The following KBTBD4 variants were observed in gnomAD, a reference collection of about 807,000 sequenced individuals.
KBTBD4 encodes the protein kelch repeat and BTB domain-containing protein 4.
Under a neutral mutation model 43.9 loss-of-function variants are expected in KBTBD4, and 30 were observed. The ratio of observed to expected loss-of-function variants is 0.68; its 90% CI spans 0.51 to 0.93. The LOEUF (loss-of-function observed/expected upper bound fraction) is 0.93, where lower values mean the gene tolerates loss of function less well. KBTBD4 is among the 40% of genes least tolerant of loss of function. KBTBD4 has a pLI of 0.00. For missense variants in KBTBD4, 575 were observed against 668.8 expected (o/e 0.86, Z 1.55); for synonymous variants, 258 against 256.9 (o/e 1.00, Z -0.04).
rs1425319972 is a variant in KBTBD4 at position 47,572,499 on chromosome 11, C to CT, written c.*430dup. On this transcript the variant is annotated 3_prime_UTR_variant, in exon 4 of 4. Transcript: ENST00000430070. ...CCTAAGTAAAGCCTGAAGGAAAACT[C>CT]TTAACACCTAATTCTTTGTGGAAAA... 5.9e-6 allele frequency: 1 copy of CT among 168,512 alleles called. No homozygotes were observed. The highest frequency in any genetic ancestry group is 1.3e-5 in the Non-Finnish European group (1 of 77,538). 10.4% of individuals were successfully genotyped at this position (168,512 alleles called of 1,614,324 possible). A position where few individuals can be genotyped will look rare whatever the true frequency, so the allele number is the denominator to read the frequency against.
Position 47,577,439 on chromosome 11 carries a change from G to C in KBTBD4, c.609C>G (p.Pro203=). 6.2e-7 allele frequency: 1 copy of C among 1,608,144 alleles called. No individual in the cohort carries two copies. The highest frequency in any genetic ancestry group is 8.5e-7 in the Non-Finnish European group (1 of 1,175,150). ...LQNTEEFLHL[P]HRLLTDIISD... ...AGATGATATCTGTGAGTAAGCGGTG[G>C]GGCAAGTGGAGAAATTCCTCTGTAT... Residue 203 remains proline, a synonymous_variant, in exon 2 of 4, where the codon CCC becomes CCG. Coordinates refer to ENST00000430070, the MANE Select transcript of KBTBD4 (RefSeq NM_018095.6).
intron 1 of KBTBD4, chr11:47,578,566 C>A (rs1209743950): frequency 1.4e-6 from 1 of 701,556 alleles, no homozygotes; most frequent in South Asian, 1.5e-5. Context: ...AGCTGCTTCC[C>A]CCACACTTCC....
In KBTBD4 at chr11:47,578,932, C is replaced by T. The variant is rs762117539; in HGVS notation, c.19+1G>A. The T allele has an allele frequency of 7.7e-6, 12 of 1,551,866 alleles. No homozygotes were observed. Among genetic ancestry groups the T allele is most frequent in the South Asian group, 1.2e-5 (1 of 84,066 alleles). On this transcript the variant is annotated splice_donor_variant, in intron 1 of 3. Coordinates refer to ENST00000430070, the MANE Select transcript of KBTBD4 (RefSeq NM_018095.6). LOFTEE classifies it high-confidence loss of function. ...CCTACCTGCCTGTCTCGCTTTCTCA[C>T]CTGCGTTCCCTCCTTTCATCCCGGA...
At chr11:47,578,646 C>G (rs895940394) in intron 1 of KBTBD4, 5 of 821,990 alleles carry the variant, frequency 6.1e-6, no homozygotes, top group Non-Finnish European at 9.9e-6. Context: ...GGCCGGGGCA[C>G]TGGGAGGCCC....
At chr11:47,577,192 T>C (rs1424796747) in intron 2 of KBTBD4, among the ~76,000 whole-genome samples, 1 of 152,232 alleles carries the variant, frequency 6.6e-6, no homozygotes, top group Non-Finnish European at 1.5e-5. Context: ...TGTTGTGCTT[T>C]AATTTTCCTG....
Position 47,575,572 on chromosome 11 carries a change from C to T in KBTBD4, c.744+21G>A, listed in dbSNP as rs772451353. On this transcript the variant is annotated intron_variant, in intron 3 of 3. Transcript: ENST00000430070. The stretch of plus-strand genomic sequence containing the variant: ...ATGCATGGAGAGTATGCAGTCTCAA[C>T]AATTAAGAGATTTGCCTTACCTTCA... The T allele has an allele frequency of 4.0e-6, 6 of 1,481,550 alleles. No homozygotes were observed. In the African/African-American group the frequency reaches 5.6e-5, roughly 14 times the overall value. The allele number at this position is 1,481,550 out of a possible 1,614,324, so 91.8% of individuals were successfully genotyped here.
Position 47,573,033 on chromosome 11 carries a change from T to A in KBTBD4, c.1502A>T (p.Lys501Met). The A allele has an allele frequency of 4.3e-6, 7 of 1,614,138 alleles. No individual in the cohort carries two copies. Among genetic ancestry groups the A allele is most frequent in the Non-Finnish European group, 5.9e-6 (7 of 1,180,014 alleles). ...AAGCTTGTAGGTGTTGGCATCCCCC[T>A]TTTTATATCGGTCCCGGAAGACATA... ...SIYVFRDRYK[K>M]GDANTYKLDP... The change falls in exon 4 of 4, where the codon AAG becomes ATG. Residue 501 changes from lysine (K) to methionine (M), a missense_variant. Transcript: ENST00000430070. The surrounding 1 kb of genome is among the most constrained non-coding windows in gnomAD (Gnocchi z 4.1).
Position 47,578,042 on chromosome 11 carries a change from C to T in KBTBD4, c.20-14G>A, listed in dbSNP as rs368090346. On this transcript the variant is annotated splice_polypyrimidine_tract_variant and intron_variant, in intron 1 of 3. Transcript: ENST00000430070. Reference sequence around the variant, plus strand: ...TCTGCCAGCTGTCTGCAAAGCAACACCATCTTGAGTAACCTGAGGAATTCA... The same window carrying T: ...TCTGCCAGCTGTCTGCAAAGCAACATCATCTTGAGTAACCTGAGGAATTCA... 1 of 1,613,658 alleles carries T rather than the reference C, an allele frequency of 6.2e-7. No homozygotes were observed.
chr11:47,578,351 G>A (rs1391448204), intron 1 of KBTBD4: 9 of 571,014 alleles, frequency 1.6e-5, no homozygotes, highest in African/African-American at 7.5e-5. Flanking sequence ...CAAAGGGCTG[G>A]GAGAGGCCTG....
Position 47,573,072 on chromosome 11 carries a change from C to G in KBTBD4, c.1463G>C (p.Cys488Ser). ...CCGGAAGACATAGATGCTCCCGTTA[C>G]AGCTGGCAATCTTCCAGAGGGATGG... ...SAPSLWKIASCNGSIYVFRDR... is the reference protein window; with the variant it reads ...SAPSLWKIASSNGSIYVFRDR... Residue 488 changes from cysteine (C) to serine (S), a missense_variant, in exon 4 of 4, where the codon TGT (cysteine) becomes TCT (serine). Coordinates refer to ENST00000430070, the MANE Select transcript of KBTBD4 (RefSeq NM_018095.6). The surrounding 1 kb of genome is among the most constrained non-coding windows in gnomAD (Gnocchi z 4.1). 6.2e-7 allele frequency: 1 copy of G among 1,614,220 alleles called. No individual in the cohort carries two copies. The highest frequency in any genetic ancestry group is 8.5e-7 in the Non-Finnish European group (1 of 1,180,042).
In KBTBD4 at chr11:47,573,432, C is replaced by T. The variant is rs773744022; in HGVS notation, c.1103G>A (p.Arg368His). The change falls in exon 4 of 4, where the codon CGC becomes CAC. Residue 368 changes from arginine to histidine, a missense_variant. Transcript: ENST00000430070. The surrounding 1 kb of genome is among the most constrained non-coding windows in gnomAD (Gnocchi z 4.1). ...CTCTGTCCACACATTATCACCTACG[C>T]GATAATAAATGACTGCGTTGGAGAG... is the stretch of plus-strand genomic sequence containing the variant. The part of the protein sequence containing the change: ...DTLSNAVIYY[R>H]VGDNVWTETT... 3.4e-5 allele frequency: 55 copies of T among 1,614,064 alleles called. No homozygotes were observed. The highest frequency in any genetic ancestry group is 2.2e-5 in the East Asian group (1 of 44,890).
At position 47,575,588 on chromosome 11, in the gene KBTBD4, C is replaced by T. The variant is rs765667374; in HGVS notation, c.744+5G>A. 1.3e-6 allele frequency: 2 copies of T among 1,585,684 alleles called. No individual in the cohort carries two copies. The highest frequency in any genetic ancestry group is 1.1e-5 in the South Asian group (1 of 90,420). ...CAGTCTCAACAATTAAGAGATTTGC[C>T]TTACCTTCAAGCTTGTCCTGAGTGA... is the stretch of plus-strand genomic sequence containing the variant. On this transcript the variant is annotated splice_donor_5th_base_variant and intron_variant, in intron 3 of 3. Transcript: ENST00000430070.
In KBTBD4 at chr11:47,575,611, T is replaced by G; in HGVS notation, c.726A>C (p.Ser242=). Residue 242 remains serine (S), a synonymous_variant, in exon 3 of 4, where the codon TCA becomes TCC. Transcript: ENST00000430070. ...NKEEREAFAE[S]LRTSLKEIGE... is the part of the protein sequence containing the mutation. The stretch of plus-strand genomic sequence containing the variant: ...GCCTTACCTTCAAGCTTGTCCTGAG[T>G]GACTCTGCAAAAGCCTCTCTTTCCT... 1.2e-6 allele frequency: 2 copies of G among 1,611,448 alleles called. No individual in the cohort carries two copies. The highest frequency in any genetic ancestry group is 1.7e-6 in the Non-Finnish European group (2 of 1,177,676).
chr11:47,578,448 G>T, intron 1 of KBTBD4: 1 of 569,312 alleles, frequency 1.8e-6, no homozygotes, highest in Non-Finnish European at 3.1e-6. Flanking sequence ...AAGGACCCCT[G>T]GCCCCGGCCT....
chr11:47,577,946 G>C lies in KBTBD4; in HGVS notation c.102C>G (p.Asn34Lys). 6.2e-7 allele frequency: 1 copy of C among 1,614,164 alleles called. No individual in the cohort carries two copies. Among genetic ancestry groups the C allele is most frequent in the Non-Finnish European group, 8.5e-7 (1 of 1,180,018 alleles). ...GASMDENYFV[N>K]YTFKDRSHSG... ...AATGTGACCGATCTTTGAAAGTGTAGTTCACAAAGTAGTTCTCATCCATGG... is the reference window on the plus strand; with the variant it reads ...AATGTGACCGATCTTTGAAAGTGTACTTCACAAAGTAGTTCTCATCCATGG... The change falls in exon 2 of 4, where the codon AAC becomes AAG. Residue 34 changes from asparagine to lysine, a missense_variant. Asn to Lys is a moderately conservative substitution (Grantham distance 94). Coordinates refer to ENST00000430070, the MANE Select transcript of KBTBD4 (RefSeq NM_018095.6).
intron 2 of KBTBD4, 25 bp downstream of exon 2, chr11:47,577,386 T>A (rs1439986746): frequency 1.3e-6 from 2 of 1,571,094 alleles, no homozygotes; most frequent in African/African-American, 1.4e-5. Context: ...TAACTGGGTA[T>A]GGTGTGTCCC....
chr11:47,578,734 G>A (rs2097265220), intron 1 of KBTBD4, 199 bp downstream of exon 1: 1 of 1,453,846 alleles, frequency 6.9e-7, no homozygotes, highest in Non-Finnish European at 9.2e-7. Flanking sequence ...TTCCCGCTCA[G>A]GCCCGCCCGC....
At chr11:47,578,792 A>T in intron 1 of KBTBD4, 141 bp downstream of exon 1, 1 of 1,534,634 alleles carries the variant, frequency 6.5e-7, no homozygotes, top group Non-Finnish European at 8.8e-7. Context: ...TGTGTAGCGT[A>T]GAACCCAAAA....
chr11:47,573,351 A>G lies in KBTBD4; in HGVS notation c.1184T>C (p.Ile395Thr). The change falls in exon 4 of 4, where the codon ATC becomes ACC. Residue 395 changes from isoleucine to threonine, a missense_variant. Transcript: ENST00000430070. This position sits in a 1 kb window ranked among gnomAD's most constrained non-coding sequence, Gnocchi z 4.1. ...SGAAGANLNGIIYLLGGEEND... is the reference protein window; with the variant it reads ...SGAAGANLNGTIYLLGGEEND... The stretch of plus-strand genomic sequence containing the variant: ...CTCCTCCCCCCCTAGTAAGTAGATG[A>G]TCCCGTTGAGGTTGGCACCAGCAGC... 1.2e-6 allele frequency: 2 copies of G among 1,614,124 alleles called. No individual in the cohort carries two copies. The highest frequency in any genetic ancestry group is 1.7e-6 in the Non-Finnish European group (2 of 1,180,030).
Sources: gnomAD v4.1 joint callset for allele counts (sites outside exome capture counted in the v4.1 genomes callset) on GRCh38, gnomAD v4.1.1 for gene constraint, Gnocchi (gnomAD v3.1) non-coding constraint, MANE v1.5 for transcripts, NCBI Gene and HGNC (gene_info 2026-07-23, HGNC 2026-07-21) for gene names.